Variants in KIFC3 observed in about 807,000 individuals in gnomAD.
The protein encoded by KIFC3 is kinesin-like protein KIFC3.
KIFC3 carries 60 observed loss-of-function variants against 101.8 expected under a neutral mutation model. The observed-to-expected ratio is 0.59, with a 90% confidence interval of 0.48 to 0.73. The LOEUF (loss-of-function observed/expected upper bound fraction) is 0.73. KIFC3 is among the 30% of genes least tolerant of loss of function. The pLI is 0.00. For synonymous variants in KIFC3, 476 were observed against 482.7 expected (o/e 0.99, Z 0.18); for missense variants, 966 against 1,137.1 (o/e 0.85, Z 2.16).
chr16:57,790,085 T>C (rs1555619732), intron 3 of KIFC3, among the ~76,000 whole-genome samples: 1 of 143,656 alleles, frequency 7.0e-6, no homozygotes, highest in Non-Finnish European at 1.5e-5. Flanking sequence ...TTTCTTTTTT[T>C]TTTTTTTTTT....
upstream of KIFC3, chr16:57,803,142 C>T (rs543590919): frequency 4.0e-5 from 42 of 1,039,138 alleles, 1 homozygote; most frequent in East Asian, 9.6e-4. Flanking sequence ...GAATATCTTC[C>T]CAGCAAGGAA....
At chr16:57,817,346 G>A (rs1162083647) in intron 1 of KIFC3, among the ~76,000 whole-genome samples, 3 of 151,206 alleles carry the variant, frequency 2.0e-5, no homozygotes, top group Non-Finnish European at 4.4e-5. Context: ...GTGACAGAGA[G>A]AGACTCTGTC....
intron 1 of KIFC3, among the ~76,000 whole-genome samples, chr16:57,855,122 T>TC (rs1345106173): frequency 1.8e-5 from 2 of 110,208 alleles, no homozygotes; most frequent in African/African-American, 5.1e-5. Context: ...TTTCTTTCTT[T>TC]TTTTTTTTTT....
chr16:57,767,872 C>T (rs1375491615), intron 9 of KIFC3, among the ~76,000 whole-genome samples: 1 of 152,106 alleles, frequency 6.6e-6, no homozygotes, highest in Non-Finnish European at 1.5e-5. Flanking sequence ...GATGGGGTCC[C>T]ACTATGTTGC....
In KIFC3 at chr16:57,771,647, C is replaced by T; in HGVS notation, c.421G>A (p.Val141Met). 6.2e-7 allele frequency: 1 copy of T among 1,613,174 alleles called. No individual in the cohort carries two copies. Among genetic ancestry groups the T allele is most frequent in the Non-Finnish European group, 8.5e-7 (1 of 1,179,892 alleles). Residue 141 changes from valine to methionine, a missense_variant, in exon 5 of 20, where the codon GTG (valine) becomes ATG (methionine). Physicochemically the swap from Val to Met is conservative, Grantham distance 21. Around this residue, in one of 2 missense-constraint regions of KIFC3, gnomAD observed 277 missense variants for 252.5 expected, o/e 1.10. Coordinates refer to ENST00000445690, the MANE Select transcript of KIFC3 (RefSeq NM_001130100.2). ...DLEKHRDLLMVENERLRQEMR... is the reference protein window; with the variant it reads ...DLEKHRDLLMMENERLRQEMR... ...TCCTGCCTCAGTCGCTCATTCTCCA[C>T]CATCAGCAGGTCCCGGTGCTTCTCC...
upstream of KIFC3, among the ~76,000 whole-genome samples, chr16:57,806,962 T>C (rs1017976084): frequency 1.3e-5 from 2 of 152,238 alleles, no homozygotes; most frequent in Non-Finnish European, 2.9e-5. Context: ...CTCACGCCTG[T>C]AATCCCAGCA....
intron 18 of KIFC3, 182 bp from the exon 19 acceptor site, chr16:57,759,335 G>A (rs1272155318): frequency 1.4e-6 from 1 of 706,180 alleles, no homozygotes; most frequent in Non-Finnish European, 2.3e-6. Context: ...CACCTAGGAG[G>A]TAGGCAAGCC....
In KIFC3 at chr16:57,798,159, C is replaced by CG; in HGVS notation, c.84dup (p.Glu29ArgfsTer40). On this transcript the variant is annotated frameshift_variant, in exon 2 of 20. Transcript: ENST00000445690. LOFTEE classifies it high-confidence loss of function. ...GGGGCGGGGCGAGCCATCCCCGGCT[C>CG]GGGCTCCGGGGCCCGGCCCACTCTC... The CG allele has an allele frequency of 6.5e-7, 1 of 1,542,612 alleles. No individual in the cohort carries two copies. The highest frequency in any genetic ancestry group is 8.7e-7 in the Non-Finnish European group (1 of 1,144,188).
chr16:57,821,166 T>A (rs1376729773), intron 1 of KIFC3, among the ~76,000 whole-genome samples: 1 of 148,034 alleles, frequency 6.8e-6, no homozygotes, highest in Non-Finnish European at 1.5e-5. Context: ...GAGTCACAGA[T>A]AAATAACCCA....
chr16:57,797,775 G>A (rs2054457727), intron 2 of KIFC3: 3 of 1,318,820 alleles, frequency 2.3e-6, no homozygotes, highest in Non-Finnish European at 2.9e-6. Flanking sequence ...AGCCCGCAGA[G>A]CTCTGACCAG....
intron 1 of KIFC3, among the ~76,000 whole-genome samples, chr16:57,818,228 T>C (rs1269749459): frequency 5.9e-5 from 9 of 152,148 alleles, no homozygotes; most frequent in African/African-American, 2.2e-4. Context: ...ATTACAGGCA[T>C]GAGCCACCAT....
intron 1 of KIFC3, among the ~76,000 whole-genome samples, chr16:57,821,944 C>T (rs1971070): frequency 0.51 from 77,741 of 151,742 alleles, 21,600 homozygotes; most frequent in African/African-American, 0.73. Flanking sequence ...GGCATGGTGG[C>T]GTATGCCTGT....
intron 3 of KIFC3, chr16:57,788,770 T>A: frequency 7.8e-7 from 1 of 1,278,080 alleles, no homozygotes; most frequent in Admixed American, 2.4e-5. Flanking sequence ...GGAAGGACCC[T>A]CGAGCCAGAG....
At chr16:57,815,321 T>C (rs149551643) in intron 1 of KIFC3, 1 of 610,724 alleles carries the variant, frequency 1.6e-6, no homozygotes, top group East Asian at 1.1e-4. Context: ...TGCTCATTTG[T>C]AACCAGAGTA....
chr16:57,805,939 A>C (rs2054926235), upstream of KIFC3, among the ~76,000 whole-genome samples: 1 of 152,052 alleles, frequency 6.6e-6, no homozygotes, highest in African/African-American at 2.4e-5. Flanking sequence ...GGGTTTTGCC[A>C]CGTTGGCCAG....
chr16:57,855,984 A>G (rs1268473371), intron 1 of KIFC3, among the ~76,000 whole-genome samples: 1 of 151,452 alleles, frequency 6.6e-6, no homozygotes, highest in Non-Finnish European at 1.5e-5. Context: ...CAAACTAACA[A>G]TAACAACAAA....
rs1296010538 is a variant in KIFC3, at chr16:57,786,290, C to T, written c.315+8709G>A. ...CTCCCAGGCAAGAGAGAGGGAAACA[C>T]CCGGCTGGGCAGAAGCTCTGCCTGA... On this transcript the variant is annotated intron_variant, in intron 3 of 19. Transcript: ENST00000445690. 3.3e-5 allele frequency among the ~76,000 whole-genome samples: 5 copies of T among 152,326 alleles called. No homozygotes were observed. In the East Asian group the frequency reaches 5.8e-4, roughly 18 times the overall value.
intron 1 of KIFC3, among the ~76,000 whole-genome samples, chr16:57,861,881 G>A (rs1002262123): frequency 1.3e-5 from 2 of 152,088 alleles, no homozygotes; most frequent in African/African-American, 2.4e-5. Context: ...CCTGGGAGGC[G>A]GAGTTTGCAG....
rs1457838402 is a variant in KIFC3 at position 57,758,771 on chromosome 16, G to T, written c.*163C>A. On this transcript the variant is annotated 3_prime_UTR_variant, in exon 20 of 20. Coordinates refer to ENST00000445690, the MANE Select transcript of KIFC3 (RefSeq NM_001130100.2). The stretch of plus-strand genomic sequence containing the variant: ...TGAACATGTTTCTCATCTTTGAGGG[G>T]AGACGGGGCAGAAGAAGAGCCTCCA... 4.6e-6 allele frequency: 5 copies of T among 1,092,770 alleles called. No homozygotes were observed. The highest frequency in any genetic ancestry group is 7.0e-6 in the Non-Finnish European group (5 of 715,276). 67.7% of individuals were successfully genotyped at this position (1,092,770 alleles called of 1,614,324 possible).
Sources: allele counts gnomAD v4.1 joint callset (sites outside exome capture counted in the v4.1 genomes callset), GRCh38; gene constraint gnomAD v4.1.1; regional missense constraint gnomAD v4.1.1; transcripts MANE v1.5; gene names NCBI Gene and HGNC (gene_info 2026-07-23, HGNC 2026-07-21).